MOBP: variants seen among roughly 807,000 people sequenced by gnomAD.
MOBP encodes the protein myelin-associated oligodendrocyte basic protein.
MOBP carries 5 observed loss-of-function variants against 15.0 expected under a neutral mutation model. That is an observed-to-expected ratio of 0.33 (90% CI 0.17 to 0.70). The LOEUF (loss-of-function observed/expected upper bound fraction) is 0.70, where lower values mean the gene tolerates loss of function less well. MOBP is among the 30% of genes least tolerant of loss of function. The pLI is 0.67. For synonymous variants in MOBP, 88 were observed against 99.0 expected (o/e 0.89, Z 0.66); for missense variants, 188 against 257.8 (o/e 0.73, Z 1.85).
chr3:39,475,705 G>C (rs1424348061), intron 1 of MOBP, among the ~76,000 whole-genome samples: 1 of 152,004 alleles, frequency 6.6e-6, no homozygotes, highest in South Asian at 2.1e-4. Flanking sequence ...AACTTTGGTA[G>C]GAGCTCTTTT....
At chr3:39,507,083 A>G (rs1244507868), downstream of MOBP, among the ~76,000 whole-genome samples, 4 of 152,136 alleles carry the variant, frequency 2.6e-5, no homozygotes. Context: ...CTCTCTGCTT[A>G]TATGATTTTG....
At chr3:39,469,190 GTATATACATATATACATGTGTGTGTA>G (rs2042425401) in intron 1 of MOBP, among the ~76,000 whole-genome samples, 1 of 60,100 alleles carries the variant, frequency 1.7e-5, no homozygotes, top group Non-Finnish European at 2.8e-5. Context: ...GTGTGTGTGT[GTATATACATATATACATGTGTGTGTA>G]TATACATATA....
At chr3:39,519,745 G>T (rs377058647), downstream of MOBP, among the ~76,000 whole-genome samples, 2 of 151,972 alleles carry the variant, frequency 1.3e-5, no homozygotes, top group East Asian at 3.9e-4. Flanking sequence ...GCTTCTTTCT[G>T]AGACTTGAGA....
Position 39,501,936 on chromosome 3 carries a change from G to T in MOBP, c.-4-130G>T, listed in dbSNP as rs2175722. The T allele has an allele frequency of 0.15, 105,997 of 699,124 alleles. 8,548 individuals carry two copies. The highest frequency in any genetic ancestry group is 0.2 in the South Asian group (10,931 of 53,520). 43.3% of individuals were successfully genotyped at this position (699,124 alleles called of 1,614,324 possible). On this transcript the variant is annotated intron_variant, in intron 2 of 3. Coordinates refer to ENST00000684792, the MANE Select transcript of MOBP (RefSeq NM_001393704.1). ...TGGGGGGAAGTTGGTCTTCCAGGGT[G>T]TTGCTCTGTAGGGCCCCCCTGAATG...
chr3:39,472,750 A>AC, intron 1 of MOBP, among the ~76,000 whole-genome samples: 1 of 152,120 alleles, frequency 6.6e-6, no homozygotes, highest in Non-Finnish European at 1.5e-5. Context: ...ACATGGGGGG[A>AC]CCCCATCTCC....
At chr3:39,469,787 T>C (rs2042442222) in intron 1 of MOBP, among the ~76,000 whole-genome samples, 1 of 152,262 alleles carries the variant, frequency 6.6e-6, no homozygotes, top group South Asian at 2.1e-4. Flanking sequence ...GTTTACCTAA[T>C]AGTTACTAGG....
At chr3:39,518,103 T>C (rs2043224642), downstream of MOBP, among the ~76,000 whole-genome samples, 2 of 152,154 alleles carry the variant, frequency 1.3e-5, no homozygotes, top group African/African-American at 4.8e-5. Context: ...ATTACCAACA[T>C]TCATATTGGA....
downstream of MOBP, among the ~76,000 whole-genome samples, chr3:39,506,716 A>G (rs1422470832): frequency 6.6e-6 from 1 of 152,228 alleles, no homozygotes; most frequent in Non-Finnish European, 1.5e-5. Flanking sequence ...CAGCAGCAAG[A>G]TAAAAGCCCT....
chr3:39,475,656 A>G (rs2042535686), intron 1 of MOBP, among the ~76,000 whole-genome samples: 2 of 152,130 alleles, frequency 1.3e-5, no homozygotes, highest in Non-Finnish European at 2.9e-5. Flanking sequence ...TCCTTGGTTT[A>G]TAATCCAATA....
At chr3:39,521,842 C>T (rs560741483) in intron 3 of MOBP, among the ~76,000 whole-genome samples, 12 of 151,872 alleles carry the variant, frequency 7.9e-5, no homozygotes, top group African/African-American at 2.7e-4. Context: ...ACCGTCTTCT[C>T]CTCTTATGCT....
downstream of MOBP, among the ~76,000 whole-genome samples, chr3:39,504,740 TA>T (rs2125659611): frequency 6.6e-6 from 1 of 152,384 alleles, no homozygotes; most frequent in East Asian, 1.9e-4. Context: ...CTATTCCTTT[TA>T]TTGATACTGA....
chr3:39,516,056 T>C (rs1010196106), downstream of MOBP: 6 of 152,248 alleles, frequency 3.9e-5, no homozygotes, highest in African/African-American at 1.4e-4. Context: ...AGTTCAGATA[T>C]TTTTAAGAAG....
intron 4 of MOBP, among the ~76,000 whole-genome samples, chr3:39,511,320 C>A (rs774823429): frequency 6.6e-6 from 1 of 152,200 alleles, no homozygotes; most frequent in Admixed American, 6.5e-5. Flanking sequence ...TCTTCTCAAA[C>A]CCTACATGGC....
chr3:39,523,301 A>C (rs1234302261), intron 3 of MOBP, among the ~76,000 whole-genome samples: 1 of 152,226 alleles, frequency 6.6e-6, no homozygotes, highest in Admixed American at 6.5e-5. Context: ...TCATTGGAGT[A>C]TATTCGCCTC....
intron 1 of MOBP, among the ~76,000 whole-genome samples, chr3:39,469,081 TGTATATAC>T (rs2042414188): frequency 1.4e-5 from 1 of 72,456 alleles, no homozygotes; most frequent in African/African-American, 9.4e-5. Context: ...TATGTGTGTG[TGTATATAC>T]ATATATACAT....
intron 1 of MOBP, among the ~76,000 whole-genome samples, chr3:39,478,021 T>A (rs978549982): frequency 2.6e-5 from 4 of 152,138 alleles, no homozygotes; most frequent in African/African-American, 4.8e-5. Context: ...CTAACATTTA[T>A]TTTTGAAGAA....
chr3:39,524,206 A>G (rs181263694), intron 3 of MOBP: 1 of 152,308 alleles, frequency 6.6e-6, no homozygotes, highest in African/African-American at 2.4e-5. Flanking sequence ...ACAGCTGCAT[A>G]TAGAATTGTA....
chr3:39,491,704 T>C (rs906547199), intron 2 of MOBP, among the ~76,000 whole-genome samples: 1 of 152,086 alleles, frequency 6.6e-6, no homozygotes, highest in African/African-American at 2.4e-5. Flanking sequence ...GAGAGTAGGC[T>C]AGAGGCCAAG....
At chr3:39,497,092 C>T (rs564628208) in intron 2 of MOBP, among the ~76,000 whole-genome samples, 2 of 152,332 alleles carry the variant, frequency 1.3e-5, no homozygotes, top group South Asian at 2.1e-4. Flanking sequence ...CATGAGCCAC[C>T]GCACTGGGCA....
Sources: allele counts gnomAD v4.1 joint callset (sites outside exome capture counted in the v4.1 genomes callset), GRCh38; gene constraint gnomAD v4.1.1; transcripts MANE v1.5; gene names NCBI Gene and HGNC (gene_info 2026-07-23, HGNC 2026-07-21).